Variants in ATG7 observed in about 807,000 individuals in gnomAD.
The protein encoded by ATG7 is autophagy related 7.
Under a neutral mutation model 82.4 loss-of-function variants are expected in ATG7, and 70 were observed. The observed-to-expected ratio is 0.85, with a 90% CI of 0.70 to 1.04. ATG7 has a LOEUF of 1.04. Among genes scored for constraint, ATG7 ranks in the 50% least tolerant of loss-of-function variants. ATG7 has a pLI of 0.00. For missense variants in ATG7, 792 were observed against 864.3 expected, an observed-to-expected ratio of 0.92 and a Z score of 1.05; for synonymous variants, 287 against 313.0, an observed-to-expected ratio of 0.92 and a Z score of 0.88.
chr3:11,339,006 C>T (rs776943170), intron 11 of ATG7, among the ~76,000 whole-genome samples: 1 of 152,010 alleles, frequency 6.6e-6, no homozygotes, highest in Non-Finnish European at 1.5e-5. Flanking sequence ...CAAAGAAAAC[C>T]AGTGTACAGG....
chr3:11,575,491 G>A, the ATG7 span, among the ~76,000 whole-genome samples: 4 of 152,180 alleles, frequency 2.6e-5, no homozygotes, highest in Admixed American at 1.3e-4. Context: ...GGAGCTCCGA[G>A]GGCAAAGTGG....
chr3:11,362,924 G>GA lies in ATG7; in HGVS notation c.1797dup (p.Gly600ArgfsTer10). 1 of 1,613,624 alleles carries GA rather than the reference G, an allele frequency of 6.2e-7. No homozygotes were observed. The highest frequency in any genetic ancestry group is 8.5e-7 in the Non-Finnish European group (1 of 1,179,788). On this transcript the variant is annotated frameshift_variant, in exon 17 of 21. Coordinates refer to ENST00000693202, the MANE Select transcript of ATG7 (RefSeq NM_001349232.2). LOFTEE classifies it high-confidence loss of function. ...GATGGTATCTGTTTTGCAGCATCCA[G>GA]AAGGGTGAGTTTGCTAGTAGGAGAT...
intron 19 of ATG7, among the ~76,000 whole-genome samples, chr3:11,407,220 G>A (rs904844153): frequency 1.3e-5 from 2 of 152,204 alleles, no homozygotes; most frequent in African/African-American, 4.8e-5. Context: ...AATCCAGTGA[G>A]GCAGTCAAAT....
At chr3:11,334,016 T>C (rs1233075767) in intron 11 of ATG7, among the ~76,000 whole-genome samples, 1 of 152,160 alleles carries the variant, frequency 6.6e-6, no homozygotes, top group African/African-American at 2.4e-5. Context: ...CCCAAAGTGC[T>C]GGGATTACAG....
intron 20 of ATG7, among the ~76,000 whole-genome samples, chr3:11,552,505 G>A (rs898193799): frequency 2.0e-4 from 31 of 152,202 alleles, no homozygotes; most frequent in African/African-American, 7.2e-4. Context: ...TCCCACTCCA[G>A]TCCCTGTCCC....
chr3:11,526,415 G>A (rs1247556006), intron 20 of ATG7, among the ~76,000 whole-genome samples: 1 of 151,890 alleles, frequency 6.6e-6, no homozygotes, highest in Non-Finnish European at 1.5e-5. Flanking sequence ...AAAACCCCCA[G>A]ACAACAAGAA....
At chr3:11,505,153 A>C (rs2091621874) in intron 20 of ATG7, among the ~76,000 whole-genome samples, 1 of 152,354 alleles carries the variant, frequency 6.6e-6, no homozygotes, top group East Asian at 1.9e-4. Context: ...TTGGCTCTTT[A>C]AACTATGTTC....
chr3:11,480,698 T>C (rs1388207583), intron 20 of ATG7, among the ~76,000 whole-genome samples: 1 of 152,224 alleles, frequency 6.6e-6, no homozygotes, highest in Non-Finnish European at 1.5e-5. Flanking sequence ...TTGAAAGCTT[T>C]GCTCACAAGG....
At chr3:11,320,314 T>C (rs933705295) in intron 9 of ATG7, among the ~76,000 whole-genome samples, 27 of 152,034 alleles carry the variant, frequency 1.8e-4, no homozygotes, top group African/African-American at 6.5e-4. Context: ...AGATGGAGTT[T>C]CACTCTTTGT....
intron 20 of ATG7, among the ~76,000 whole-genome samples, chr3:11,498,519 C>G (rs2091043666): frequency 6.6e-6 from 1 of 152,202 alleles, no homozygotes; most frequent in African/African-American, 2.4e-5. Context: ...ACCACCTCCA[C>G]TAGGATTAAT....
In ATG7 at chr3:11,502,278, G is replaced by A. The variant is rs555115350; in HGVS notation, c.2080-52533G>A. 1.0e-4 allele frequency among the ~76,000 whole-genome samples: 15 copies of A among 150,214 alleles called. No individual in the cohort carries two copies. The South Asian group carries it at 3.2e-3, about 32-fold the overall frequency. ...TAGGGTACACGTGCACATTGTGCAG[G>A]TTAGTTACATACGTATACATGTGCC... On this transcript the variant is annotated intron_variant, in intron 20 of 20. Transcript: ENST00000693202.
chr3:11,366,505 C>T (rs777852576), intron 18 of ATG7, among the ~76,000 whole-genome samples: 23 of 152,172 alleles, frequency 1.5e-4, no homozygotes, highest in Admixed American at 4.6e-4. Context: ...TCTCCAGAGC[C>T]TACCTCTGCT....
rs575692571 is a variant in ATG7, at chr3:11,334,905, G to A, written c.889+1812G>A. 1.3e-4 allele frequency among the ~76,000 whole-genome samples: 19 copies of A among 143,834 alleles called. No individual in the cohort carries two copies. In the South Asian group the frequency reaches 3.3e-3, roughly 25 times the overall value. The allele number at this position is 143,834 out of a possible 152,430, so 94.4% of individuals were successfully genotyped here. A position where few individuals can be genotyped will look rare whatever the true frequency, so the allele number is the denominator to read the frequency against. Reference sequence around the variant, plus strand: ...CTGGGAGGTGGAGGTGTAGTGAGCCGACTGCACTGCTGCACTCCAGCCTGG... The same window carrying A: ...CTGGGAGGTGGAGGTGTAGTGAGCCAACTGCACTGCTGCACTCCAGCCTGG... On this transcript the variant is annotated intron_variant, in intron 11 of 20. Transcript: ENST00000693202.
At chr3:11,461,733 A>C (rs901115548) in intron 20 of ATG7, among the ~76,000 whole-genome samples, 3 of 152,194 alleles carry the variant, frequency 2.0e-5, no homozygotes, top group African/African-American at 7.2e-5. Context: ...CATTTTAAAG[A>C]TGTGGACTCT....
intron 20 of ATG7, among the ~76,000 whole-genome samples, chr3:11,540,260 C>T (rs1438949447): frequency 6.6e-6 from 1 of 152,170 alleles, no homozygotes; most frequent in African/African-American, 2.4e-5. Flanking sequence ...ATGCAAGTGG[C>T]ATCTCATTAT....
At chr3:11,475,434 A>G (rs1042809097) in intron 20 of ATG7, among the ~76,000 whole-genome samples, 5 of 152,182 alleles carry the variant, frequency 3.3e-5, no homozygotes, top group Non-Finnish European at 5.9e-5. Context: ...GGCTGGCGAG[A>G]TGCGTCAGGA....
chr3:11,479,017 C>CACACACACAA (rs1559709356), intron 20 of ATG7, among the ~76,000 whole-genome samples: 1 of 151,400 alleles, frequency 6.6e-6, no homozygotes, highest in Admixed American at 6.6e-5. Flanking sequence ...CACACACACA[C>CACACACACAA]ACACACACAC....
chr3:11,434,751 C>G (rs1024177948), intron 20 of ATG7, among the ~76,000 whole-genome samples: 1 of 152,014 alleles, frequency 6.6e-6, no homozygotes, highest in Non-Finnish European at 1.5e-5. Flanking sequence ...CCCCACCCTT[C>G]GGAAAAGAGT....
At chr3:11,495,075 C>T (rs1369030647) in intron 20 of ATG7, among the ~76,000 whole-genome samples, 1 of 151,100 alleles carries the variant, frequency 6.6e-6, no homozygotes, top group Non-Finnish European at 1.5e-5. Context: ...AAGGCTCCGT[C>T]TCAGAAAAAA....
Sources: allele counts gnomAD v4.1 joint callset (sites outside exome capture counted in the v4.1 genomes callset), GRCh38; gene constraint gnomAD v4.1.1; transcripts MANE v1.5; gene names NCBI Gene and HGNC (gene_info 2026-07-23, HGNC 2026-07-21).